OR14A2: variants seen among roughly 807,000 people sequenced by gnomAD.
The protein encoded by OR14A2 is olfactory receptor 14A2.
For synonymous variants in OR14A2, 114 were observed against 58.6 expected (o/e 1.95, Z -4.32); for missense variants, 237 against 152.9 (o/e 1.55, Z -2.90).
chr1:247,734,535 T>G, the OR14A2 span, among the ~76,000 whole-genome samples: 1 of 152,178 alleles, frequency 6.6e-6, no homozygotes, highest in Non-Finnish European at 1.5e-5. Flanking sequence ...AACAAAATGT[T>G]TCTGAGAATC....
chr1:247,731,860 A>C, the OR14A2 span, among the ~76,000 whole-genome samples: 1 of 151,868 alleles, frequency 6.6e-6, no homozygotes, highest in East Asian at 1.9e-4. Context: ...TTTGGCCTAG[A>C]TTTATTTTCT....
At chr1:247,747,538 A>G in the OR14A2 span, among the ~76,000 whole-genome samples, 6 of 151,364 alleles carry the variant, frequency 4.0e-5, no homozygotes, top group African/African-American at 1.5e-4. Flanking sequence ...ATTTTTTTGT[A>G]TTTTTGGTAG....
At chr1:247,738,930 G>T in the OR14A2 span, 1 of 780,484 alleles carries the variant, frequency 1.3e-6, no homozygotes, top group Non-Finnish European at 2.4e-6. Flanking sequence ...GGTACTGCTG[G>T]CTGGATCAGA....
the OR14A2 span, among the ~76,000 whole-genome samples, chr1:247,729,562 A>T: frequency 8.2e-3 from 1,250 of 152,200 alleles, 7 homozygotes; most frequent in Non-Finnish European, 0.013. Flanking sequence ...TAAGTTACTT[A>T]AAATGGTTTC....
At chr1:247,727,778 G>A (rs1009491033), upstream of OR14A2, among the ~76,000 whole-genome samples, 4 of 149,432 alleles carry the variant, frequency 2.7e-5, no homozygotes, top group African/African-American at 1.0e-4. Flanking sequence ...ACTACCATCA[G>A]AGAATACTAT....
chr1:247,741,987 ATGAAAGTAAAT>A, the OR14A2 span, among the ~76,000 whole-genome samples: 1 of 152,198 alleles, frequency 6.6e-6, no homozygotes, highest in South Asian at 2.1e-4. Flanking sequence ...GATGATACAG[ATGAAAGTAAAT>A]TGAAATAGTA....
At chr1:247,744,863 A>G in the OR14A2 span, among the ~76,000 whole-genome samples, 8 of 152,166 alleles carry the variant, frequency 5.3e-5, no homozygotes, top group Non-Finnish European at 7.4e-5. This position sits in a 1 kb window ranked among gnomAD's most constrained non-coding sequence, Gnocchi z 4.3. Context: ...TTTAAAGAAA[A>G]AGGAACAAAT....
At chr1:247,734,845 C>T in the OR14A2 span, among the ~76,000 whole-genome samples, 2 of 152,174 alleles carry the variant, frequency 1.3e-5, no homozygotes, top group African/African-American at 4.8e-5. Context: ...GAAACAAGCT[C>T]TAGGCAGCAT....
At chr1:247,737,741 A>T in the OR14A2 span, among the ~76,000 whole-genome samples, 1 of 152,170 alleles carries the variant, frequency 6.6e-6, no homozygotes, top group South Asian at 2.1e-4. Flanking sequence ...GATCTGAGGG[A>T]AAAACATGGC....
chr1:247,738,969 G>T, the OR14A2 span: 1 of 780,648 alleles, frequency 1.3e-6, no homozygotes, highest in South Asian at 1.3e-5. Context: ...CATGTCCTAT[G>T]ACCGCTATGC....
chr1:247,736,602 T>C, the OR14A2 span, among the ~76,000 whole-genome samples: 1 of 152,172 alleles, frequency 6.6e-6, no homozygotes, highest in Non-Finnish European at 1.5e-5. Flanking sequence ...AAATCTAGCA[T>C]TGGAGTCAAA....
At chr1:247,741,858 G>T in the OR14A2 span, among the ~76,000 whole-genome samples, 2 of 152,104 alleles carry the variant, frequency 1.3e-5, no homozygotes, top group East Asian at 3.9e-4. Context: ...AACGTTCATT[G>T]TACTATACCT....
the OR14A2 span, among the ~76,000 whole-genome samples, chr1:247,747,388 G>A: frequency 6.8e-6 from 1 of 147,292 alleles, no homozygotes; most frequent in Non-Finnish European, 1.5e-5. Flanking sequence ...CTGAGACGGA[G>A]TCTCGCTCTG....
chr1:247,736,912 A>G, the OR14A2 span, among the ~76,000 whole-genome samples: 3 of 152,198 alleles, frequency 2.0e-5, no homozygotes, highest in African/African-American at 7.2e-5. Context: ...TTTGCAACAT[A>G]GTAAGAAATT....
At chr1:247,736,079 T>C in the OR14A2 span, among the ~76,000 whole-genome samples, 44 of 151,536 alleles carry the variant, frequency 2.9e-4, no homozygotes, top group South Asian at 1.3e-3. Flanking sequence ...ATAGCCTTTG[T>C]TATGAATGTT....
chr1:247,723,086 G>C, downstream of OR14A2: 1 of 699,712 alleles, frequency 1.4e-6, no homozygotes, highest in Non-Finnish European at 2.7e-6. Context: ...ATCACTGACA[G>C]AACTTGAAAG....
the OR14A2 span, chr1:247,739,226 T>C: frequency 1.3e-5 from 10 of 780,808 alleles, no homozygotes; most frequent in Middle Eastern, 4.5e-4. Context: ...GGGTCTGTTA[T>C]GCATTTTCAT....
chr1:247,744,677 G>A, the OR14A2 span, among the ~76,000 whole-genome samples: 1 of 152,104 alleles, frequency 6.6e-6, no homozygotes, highest in East Asian at 1.9e-4. The surrounding 1 kb of genome is among the most constrained non-coding windows in gnomAD (Gnocchi z 4.3). Flanking sequence ...TGATGGATAT[G>A]CCAAAAATGT....
At chr1:247,741,601 A>G in the OR14A2 span, among the ~76,000 whole-genome samples, 1 of 152,230 alleles carries the variant, frequency 6.6e-6, no homozygotes, top group Non-Finnish European at 1.5e-5. Context: ...TAAATCACAC[A>G]AGTATGCATA....
Sources: gnomAD v4.1 joint callset for allele counts (sites outside exome capture counted in the v4.1 genomes callset) on GRCh38, gnomAD v4.1.1 for gene constraint, Gnocchi (gnomAD v3.1) non-coding constraint, MANE v1.5 for transcripts, NCBI Gene and HGNC (gene_info 2026-07-23, HGNC 2026-07-21) for gene names.